The following CFAP54 variants were observed in gnomAD, a reference collection of about 807,000 sequenced individuals.
CFAP54 encodes cilia and flagella associated protein 54.
In CFAP54, 290 loss-of-function variants were observed where a neutral mutation model predicts 370.4. The ratio of observed to expected loss-of-function variants is 0.78; its 90% CI spans 0.71 to 0.86. The LOEUF is 0.86. CFAP54 is among the 40% of genes least tolerant of loss of function. CFAP54 has a pLI of 0.00. For missense variants in CFAP54, 3,399 were observed against 3,528.7 expected (o/e 0.96, Z 0.93); for synonymous variants, 1,206 against 1,236.5 (o/e 0.98, Z 0.52).
chr12:96,813,328 C>A lies in CFAP54; in HGVS notation c.8957+1486C>A, dbSNP rs77500279. Among the ~76,000 whole-genome samples the A allele has an allele frequency of 9.1e-3, 1,380 of 152,214 alleles. 30 individuals carry two copies. Among genetic ancestry groups the A allele is most frequent in the African/African-American group, 0.032 (1,333 of 41,522 alleles). On this transcript the variant is annotated intron_variant, in intron 64 of 67. Coordinates refer to ENST00000524981, the MANE Select transcript of CFAP54 (RefSeq NM_001306084.2). ...GTGGCACTGTGAAAATAAACTATTT[C>A]TCTCATCCTGGGTGGCATTCCTTGT...
At chr12:96,724,721 A>T (rs1369489179) in intron 50 of CFAP54, among the ~76,000 whole-genome samples, 4 of 152,158 alleles carry the variant, frequency 2.6e-5, no homozygotes, top group South Asian at 4.2e-4. Flanking sequence ...TGCCATTGCT[A>T]TTGGTATTTT....
At chr12:96,562,197 A>G (rs1008881477) in intron 17 of CFAP54, among the ~76,000 whole-genome samples, 3 of 152,092 alleles carry the variant, frequency 2.0e-5, no homozygotes, top group Admixed American at 1.3e-4. Context: ...AACAACATCA[A>G]TGTAATTACT....
At chr12:96,648,200 T>C (rs1956818925) in intron 34 of CFAP54, among the ~76,000 whole-genome samples, 183 bp downstream of exon 34, 1 of 152,238 alleles carries the variant, frequency 6.6e-6, no homozygotes, top group Admixed American at 6.5e-5. Context: ...AAAAAATTTC[T>C]ATATTCTTAT....
At chr12:96,764,098 T>G in intron 58 of CFAP54, 53 bp from the exon 59 acceptor site, 237 of 1,176,012 alleles carry the variant, frequency 2.0e-4, no homozygotes, top group Non-Finnish European at 2.7e-4. Flanking sequence ...CTTCAGAAGA[T>G]GAGAAGAGTT....
intron 60 of CFAP54, among the ~76,000 whole-genome samples, chr12:96,783,081 A>G (rs1958595799): frequency 6.6e-6 from 1 of 152,224 alleles, no homozygotes; most frequent in African/African-American, 2.4e-5. Flanking sequence ...AGGTAAATGC[A>G]TGCAGTATGA....
chr12:96,753,722 A>G (rs1285493365), intron 55 of CFAP54, 21 bp from the exon 56 acceptor site: 3 of 1,608,934 alleles, frequency 1.9e-6, no homozygotes, highest in Middle Eastern at 1.7e-4. Context: ...GTTCTTCCCC[A>G]CCGAACTGTT....
chr12:96,724,573 T>C (rs1403238523), intron 50 of CFAP54, among the ~76,000 whole-genome samples: 1 of 152,106 alleles, frequency 6.6e-6, no homozygotes, highest in African/African-American at 2.4e-5. Flanking sequence ...TTCTGGATAT[T>C]AGCCCTTTGT....
chr12:96,780,195 C>T (rs551859762), intron 60 of CFAP54, among the ~76,000 whole-genome samples: 4 of 151,630 alleles, frequency 2.6e-5, no homozygotes, highest in Non-Finnish European at 5.9e-5. Flanking sequence ...TTTTTATGCC[C>T]AATTAATTAG....
intron 28 of CFAP54, among the ~76,000 whole-genome samples, chr12:96,625,154 T>G (rs1214176596): frequency 6.6e-6 from 1 of 152,186 alleles, no homozygotes; most frequent in East Asian, 1.9e-4. Context: ...ATATACTATT[T>G]TTATAAAATA....
chr12:96,736,679 A>G (rs1250958408), intron 50 of CFAP54, among the ~76,000 whole-genome samples: 1 of 152,246 alleles, frequency 6.6e-6, no homozygotes, highest in Admixed American at 6.5e-5. Context: ...TACTAAGAAA[A>G]GATAAAGAAA....
chr12:96,802,655 T>TATA (rs1432291860), intron 63 of CFAP54, among the ~76,000 whole-genome samples: 2 of 152,148 alleles, frequency 1.3e-5, no homozygotes, highest in African/African-American at 4.8e-5. Flanking sequence ...TTATTATTAT[T>TATA]ATACTTTAAG....
chr12:96,823,189 T>C lies in CFAP54; in HGVS notation c.9096+5276T>C, dbSNP rs1047463995. 1.7e-4 allele frequency among the ~76,000 whole-genome samples: 26 copies of C among 152,254 alleles called. No individual in the cohort carries two copies. The South Asian group carries it at 2.9e-3, about 17-fold the overall frequency. On this transcript the variant is annotated intron_variant, in intron 65 of 67. Transcript: ENST00000524981. ...AGAAAGTTGAGCTAGACTTTGTGCT[T>C]GCTTAAATAGCTCACACAGCATTTT...
chr12:96,503,365 C>G (rs1173933855), intron 2 of CFAP54, among the ~76,000 whole-genome samples: 14 of 137,362 alleles, frequency 1.0e-4, no homozygotes, highest in African/African-American at 3.9e-4. Flanking sequence ...CTCCCTCCCT[C>G]TCTCCCTTCC....
At chr12:96,874,906 C>T (rs568651491) in intron 67 of CFAP54, among the ~76,000 whole-genome samples, 3 of 151,604 alleles carry the variant, frequency 2.0e-5, no homozygotes, top group Admixed American at 6.6e-5. Flanking sequence ...CGTGAGCCAC[C>T]GCGCCCGGCC....
chr12:96,564,712 CT>C lies in CFAP54; in HGVS notation c.2570del (p.Leu857Ter). ...AGCAATTTACTTAATGCAGAAAGCT[CT>C]TTTAATATTCGAGAAAGATGCAACT... ...SKAIYLMQKALLIFEKDATST... is the reference protein window; with the variant it reads ...SKAIYLMQKAXLIFEKDATST... On this transcript the variant is annotated frameshift_variant, in exon 19 of 68. Coordinates refer to ENST00000524981, the MANE Select transcript of CFAP54 (RefSeq NM_001306084.2). LOFTEE classifies it high-confidence loss of function. 1.6e-6 allele frequency: 1 copy of C among 632,152 alleles called. No individual in the cohort carries two copies. 39.2% of individuals were successfully genotyped at this position (632,152 alleles called of 1,614,324 possible). A position where few individuals can be genotyped will look rare whatever the true frequency, so the allele number is the denominator to read the frequency against.
chr12:96,509,235 T>C (rs1405056494), intron 4 of CFAP54, among the ~76,000 whole-genome samples: 1 of 152,068 alleles, frequency 6.6e-6, no homozygotes, highest in Admixed American at 6.6e-5. Context: ...GCTGCTGAGA[T>C]GACAGAGGAA....
chr12:96,749,056 T>G (rs1958153619), intron 55 of CFAP54, among the ~76,000 whole-genome samples: 1 of 152,230 alleles, frequency 6.6e-6, no homozygotes, highest in African/African-American at 2.4e-5. Context: ...AAATGGGAGT[T>G]TTTACAGTAG....
At chr12:96,560,781 G>A (rs1233725488) in intron 17 of CFAP54, among the ~76,000 whole-genome samples, 2 of 152,190 alleles carry the variant, frequency 1.3e-5, no homozygotes, top group Non-Finnish European at 2.9e-5. Context: ...AATTGGTGCT[G>A]TTGGTGATGT....
At chr12:96,743,150 A>G (rs1230540830) in intron 52 of CFAP54, among the ~76,000 whole-genome samples, 3 of 152,154 alleles carry the variant, frequency 2.0e-5, no homozygotes, top group Non-Finnish European at 2.9e-5. Flanking sequence ...ACTCATTTCT[A>G]TCCATCTTCC....
Sources: gnomAD v4.1 joint callset for allele counts (sites outside exome capture counted in the v4.1 genomes callset) on GRCh38, gnomAD v4.1.1 for gene constraint, MANE v1.5 for transcripts, NCBI Gene and HGNC (gene_info 2026-07-23, HGNC 2026-07-21) for gene names.